Variants in ZNF516 observed in about 807,000 individuals in gnomAD.
The protein encoded by ZNF516 is zinc finger protein 516.
In ZNF516, 19 loss-of-function variants were observed where a neutral mutation model predicts 79.7. The ratio of observed to expected loss-of-function variants is 0.24; its 90% CI spans 0.17 to 0.35. The LOEUF (loss-of-function observed/expected upper bound fraction) is 0.35. ZNF516 is among the 10% of genes least tolerant of loss of function. The pLI is 1.00. For missense variants in ZNF516, 1,678 were observed against 1,679.5 expected, an observed-to-expected ratio of 1.00 and a Z score of 0.02; for synonymous variants, 877 against 739.5, an observed-to-expected ratio of 1.19 and a Z score of -3.02.
chr18:76,399,038 C>T (rs1208127875), intron 3 of ZNF516, among the ~76,000 whole-genome samples: 2 of 152,160 alleles, frequency 1.3e-5, no homozygotes, highest in Non-Finnish European at 1.5e-5. Flanking sequence ...CAGAGGAAGG[C>T]GGATTTCCCC....
At chr18:76,395,082 C>T (rs774921840) in intron 3 of ZNF516, among the ~76,000 whole-genome samples, 1 of 152,176 alleles carries the variant, frequency 6.6e-6, no homozygotes, top group Non-Finnish European at 1.5e-5. Context: ...ATATTGGAAA[C>T]GGATGGAGCA....
At chr18:76,474,160 G>T (rs1161737117) in intron 1 of ZNF516, among the ~76,000 whole-genome samples, 1 of 152,170 alleles carries the variant, frequency 6.6e-6, no homozygotes, top group East Asian at 1.9e-4. Context: ...AAATGATCTG[G>T]AAGAATTGGC....
chr18:76,471,593 T>C (rs1230514814), intron 1 of ZNF516, among the ~76,000 whole-genome samples: 1 of 152,224 alleles, frequency 6.6e-6, no homozygotes. Flanking sequence ...AGGCCACCAC[T>C]GGTGGAAACA....
intron 3 of ZNF516, among the ~76,000 whole-genome samples, chr18:76,384,996 G>A (rs1266542248): frequency 2.0e-5 from 3 of 152,238 alleles, no homozygotes; most frequent in Non-Finnish European, 4.4e-5. Context: ...GCCCTGTGCA[G>A]AGGGAGCAGG....
intron 1 of ZNF516, chr18:76,492,670 G>C (rs2145846354): frequency 1.0e-6 from 1 of 969,140 alleles, no homozygotes; most frequent in Non-Finnish European, 1.2e-6. Flanking sequence ...CGCGTGCCCA[G>C]GCACCAAGGC....
intron 1 of ZNF516, among the ~76,000 whole-genome samples, chr18:76,465,474 T>C (rs1034582300): frequency 6.6e-6 from 1 of 152,216 alleles, no homozygotes; most frequent in Non-Finnish European, 1.5e-5. Flanking sequence ...TGCGGCGTCC[T>C]TGGACAGCAC....
At chr18:76,465,801 G>A (rs1300768961) in intron 1 of ZNF516, among the ~76,000 whole-genome samples, 7 of 152,142 alleles carry the variant, frequency 4.6e-5, no homozygotes, top group South Asian at 2.1e-4. Flanking sequence ...CAAAACACCC[G>A]GCCAGTCCTC....
intron 3 of ZNF516, among the ~76,000 whole-genome samples, chr18:76,391,930 G>C (rs776010465): frequency 1.4e-5 from 2 of 147,492 alleles, no homozygotes; most frequent in African/African-American, 4.9e-5. Context: ...ACAGCAGAGA[G>C]GCCACGAGAG....
chr18:76,444,900 T>C lies in ZNF516; in HGVS notation c.-157-1689A>G, dbSNP rs551435659. ...CAGGTAGAAACCTTATCAAGAATTA[T>C]AGGCTTCACAATGTCTTTCCAGAAA... On this transcript the variant is annotated intron_variant, in intron 2 of 6. Coordinates refer to ENST00000443185, the MANE Select transcript of ZNF516 (RefSeq NM_014643.4). Among the ~76,000 whole-genome samples, 36 of 152,346 alleles carry C rather than the reference T, an allele frequency of 2.4e-4. No individual in the cohort carries two copies. In the South Asian group the frequency reaches 6.4e-3, roughly 27 times the overall value.
chr18:76,372,914 C>T (rs909648851), intron 4 of ZNF516: 1 of 152,276 alleles, frequency 6.6e-6, no homozygotes, highest in African/African-American at 2.4e-5. Context: ...TTTGAGAGGC[C>T]AAAGCGGGAG....
chr18:76,437,745 A>G (rs1176385421), intron 3 of ZNF516, among the ~76,000 whole-genome samples: 1 of 152,242 alleles, frequency 6.6e-6, no homozygotes, highest in Non-Finnish European at 1.5e-5. Context: ...AATGCTCTAT[A>G]AATTCTGCTG....
At chr18:76,494,913 A>G (rs1420054951) in intron 1 of ZNF516, among the ~76,000 whole-genome samples, 1 of 132,086 alleles carries the variant, frequency 7.6e-6, no homozygotes, top group Non-Finnish European at 1.6e-5. Context: ...CCGAAGTTGC[A>G]TCTTCCCCTA....
Position 76,441,441 on chromosome 18 carries a change from G to A in ZNF516, c.1614C>T (p.Arg538=). The change falls in exon 3 of 7, where the codon CGC becomes CGT. Residue 538 remains arginine, a synonymous_variant. Transcript: ENST00000443185. ...CACTGTCCCTCTCGCGGCGCGCGCGGCGATGCACGCGTGAGTGCAGCACCA... is the reference window on the plus strand; with the variant it reads ...CACTGTCCCTCTCGCGGCGCGCGCGACGATGCACGCGTGAGTGCAGCACCA... ...HQMVLHSRVH[R]RARRERDSDG... is the part of the protein sequence containing the mutation. 6.2e-7 allele frequency: 1 copy of A among 1,606,378 alleles called. No individual in the cohort carries two copies. The highest frequency in any genetic ancestry group is 8.5e-7 in the Non-Finnish European group (1 of 1,177,682).
chr18:76,436,509 C>G (rs947501660), intron 3 of ZNF516, among the ~76,000 whole-genome samples: 3 of 152,192 alleles, frequency 2.0e-5, no homozygotes, highest in African/African-American at 7.2e-5. Context: ...AGAGCTTTGC[C>G]CGTGTTGCGT....
chr18:76,480,001 C>G (rs1231935326), intron 1 of ZNF516, among the ~76,000 whole-genome samples: 1 of 152,134 alleles, frequency 6.6e-6, no homozygotes, highest in African/African-American at 2.4e-5. Context: ...AACAGAGGAA[C>G]CTGCCTGGAG....
chr18:76,448,409 C>G (rs1473745314), intron 2 of ZNF516, among the ~76,000 whole-genome samples: 1 of 152,192 alleles, frequency 6.6e-6, no homozygotes, highest in Non-Finnish European at 1.5e-5. Flanking sequence ...CCTAATAATA[C>G]AGAGCAGAAA....
intron 1 of ZNF516, among the ~76,000 whole-genome samples, chr18:76,480,529 A>ATATATATATT (rs374464151): frequency 0.11 from 14,920 of 141,308 alleles, 1,085 homozygotes; most frequent in South Asian, 0.18. Context: ...ACACACATAT[A>ATATATATATT]TTTTTTTTTT....
Position 76,362,511 on chromosome 18 carries a change from C to T in ZNF516, c.3479G>A (p.Arg1160Lys), listed in dbSNP as rs2074554245. 6.2e-7 allele frequency: 1 copy of T among 1,613,162 alleles called. No homozygotes were observed. ...NTGTVQTVPL[R>K]KGT ...GGAAACACGCCTTTAGGTTCCCTTT[C>T]TCAGAGGCACTGTCTGGACGGTACC... is the stretch of plus-strand genomic sequence containing the variant. Residue 1160 changes from arginine to lysine, a missense_variant, in exon 7 of 7, where the codon AGA (arginine) becomes AAA (lysine). Physicochemically the swap from Arg to Lys is conservative, Grantham distance 26 (BLOSUM62 2). This residue lies in a region of ZNF516 where 1,294 missense variants were observed against 1,248.3 expected (regional missense o/e 1.04). Coordinates refer to ENST00000443185, the MANE Select transcript of ZNF516 (RefSeq NM_014643.4).
chr18:76,391,205 GAGTA>G (rs2075069052), intron 3 of ZNF516, among the ~76,000 whole-genome samples: 1 of 150,878 alleles, frequency 6.6e-6, no homozygotes, highest in African/African-American at 2.5e-5. Flanking sequence ...GCTACAGGGT[GAGTA>G]AGTGTGAGCG....
Sources: gnomAD v4.1 joint callset for allele counts (sites outside exome capture counted in the v4.1 genomes callset) on GRCh38, gnomAD v4.1.1 for gene constraint, gnomAD v4.1.1 regional missense constraint, MANE v1.5 for transcripts, NCBI Gene and HGNC (gene_info 2026-07-23, HGNC 2026-07-21) for gene names.